The following TMCO5A variants were observed in gnomAD, a reference collection of about 807,000 sequenced individuals.
The protein encoded by TMCO5A is transmembrane and coiled-coil domain-containing protein 5A.
A neutral mutation model predicts 42.3 loss-of-function variants in TMCO5A; 34 were observed. The observed-to-expected ratio is 0.80, with a 90% CI of 0.61 to 1.07. The LOEUF is 1.07. Ranked by LOEUF, TMCO5A falls within the 50% of genes least tolerant of loss-of-function variation. The pLI, the probability that TMCO5A is intolerant of heterozygous loss-of-function variation, is 0.00. For synonymous variants in TMCO5A, 131 were observed against 115.6 expected (o/e 1.13, Z -0.86); for missense variants, 357 against 327.9 (o/e 1.09, Z -0.69).
intron 9 of TMCO5A, 97 bp from the exon 10 acceptor site, chr15:37,943,244 A>G: frequency 8.8e-7 from 1 of 1,140,716 alleles, no homozygotes; most frequent in Non-Finnish European, 1.3e-6. Flanking sequence ...TGGACAGTAC[A>G]GATTTAGAAT....
chr15:37,942,261 C>A lies in TMCO5A; in HGVS notation c.569+6C>A, dbSNP rs115691188. ...CTGTTCCTTGAGAGAGAAGTGTGAG[C>A]TTTGGCAAAGGAACATCCTGGTTTT... is the stretch of plus-strand genomic sequence containing the variant. On this transcript the variant is annotated splice_donor_region_variant and intron_variant, in intron 9 of 11. Coordinates refer to ENST00000319669, the MANE Select transcript of TMCO5A (RefSeq NM_152453.4). The A allele has an allele frequency of 2.8e-3, 4,572 of 1,612,154 alleles. 131 individuals carry two copies. The African/African-American group carries it at 0.051, about 18-fold the overall frequency.
chr15:38,019,571 T>C, the TMCO5A span, among the ~76,000 whole-genome samples: 17 of 152,136 alleles, frequency 1.1e-4, no homozygotes, highest in African/African-American at 4.1e-4. Flanking sequence ...CCTCCCCCAC[T>C]GTCAGCATCC....
chr15:37,934,889 G>A lies in TMCO5A; in HGVS notation c.-103+195G>A, dbSNP rs367922406. The stretch of plus-strand genomic sequence containing the variant: ...TTGTAAACCTACATCCATGCCCATG[G>A]GGCTTTATGGAAAGCAACTGGCCTA... On this transcript the variant is annotated intron_variant, in intron 1 of 11. Transcript: ENST00000319669. Among the ~76,000 whole-genome samples, 4 of 152,138 alleles carry A rather than the reference G, an allele frequency of 2.6e-5. No homozygotes were observed. The East Asian group carries it at 5.8e-4, about 22-fold the overall frequency.
At chr15:37,965,974 G>A (rs1890546614) in intron 11 of TMCO5A, among the ~76,000 whole-genome samples, 1 of 152,100 alleles carries the variant, frequency 6.6e-6, no homozygotes, top group African/African-American at 2.4e-5. Context: ...TTGCAGCACT[G>A]TTCACAATAG....
chr15:38,000,370 T>G, the TMCO5A span, among the ~76,000 whole-genome samples: 1 of 152,202 alleles, frequency 6.6e-6, no homozygotes, highest in African/African-American at 2.4e-5. Flanking sequence ...TAATGTCTCC[T>G]TTTTCATCTC....
At chr15:38,011,520 G>T in the TMCO5A span, among the ~76,000 whole-genome samples, 2 of 152,110 alleles carry the variant, frequency 1.3e-5, no homozygotes, top group Admixed American at 1.3e-4. Context: ...TAGGTCTAAG[G>T]ACATTAACTA....
At chr15:37,961,509 G>C (rs1890427974) in intron 11 of TMCO5A, among the ~76,000 whole-genome samples, 1 of 152,020 alleles carries the variant, frequency 6.6e-6, no homozygotes, top group African/African-American at 2.4e-5. Flanking sequence ...GCTTAGTCTT[G>C]CTTTGGCTAT....
the TMCO5A span, among the ~76,000 whole-genome samples, chr15:38,012,427 G>A: frequency 2.0e-5 from 3 of 152,134 alleles, no homozygotes; most frequent in African/African-American, 7.2e-5. Context: ...GCCTCAAAGA[G>A]AAAAGCTCAG....
At chr15:38,001,600 C>T in the TMCO5A span, among the ~76,000 whole-genome samples, 1 of 151,486 alleles carries the variant, frequency 6.6e-6, no homozygotes, top group African/African-American at 2.4e-5. Flanking sequence ...TTCCTGTCTT[C>T]CTTTAGTGTA....
chr15:37,951,601 T>C (rs1350693529), downstream of TMCO5A: 5 of 186,102 alleles, frequency 2.7e-5, no homozygotes, highest in East Asian at 1.5e-4. Context: ...TTAGAACTCA[T>C]AGGTTATAAG....
intron 7 of TMCO5A, 87 bp from the exon 8 acceptor site, chr15:37,941,584 G>A: frequency 2.1e-6 from 2 of 960,408 alleles, no homozygotes; most frequent in Non-Finnish European, 3.4e-6. Flanking sequence ...CCACATTTAG[G>A]ACCTGGGACC....
At position 37,943,630 on chromosome 15, in the gene TMCO5A, G is replaced by A. The variant is rs923513975; in HGVS notation, c.627+232G>A. Reference sequence around the variant, plus strand: ...CAAATAACAGGCTCTCAAAAAACTAGCCGAAGACCTAAGAGAACTCAGAAT... The same window carrying A: ...CAAATAACAGGCTCTCAAAAAACTAACCGAAGACCTAAGAGAACTCAGAAT... On this transcript the variant is annotated intron_variant, in intron 10 of 11. Transcript: ENST00000319669. The A allele has an allele frequency of 1.0e-5, 5 of 490,680 alleles. No individual in the cohort carries two copies. The Admixed American group carries it at 1.9e-4, about 19-fold the overall frequency. 30.4% of individuals were successfully genotyped at this position (490,680 alleles called of 1,614,324 possible).
chr15:37,960,186 A>G (rs1288288439), intron 11 of TMCO5A, among the ~76,000 whole-genome samples: 1 of 151,322 alleles, frequency 6.6e-6, no homozygotes, highest in Non-Finnish European at 1.5e-5. Flanking sequence ...CTCACCCCCT[A>G]CCACTCTTCC....
the TMCO5A span, among the ~76,000 whole-genome samples, chr15:38,018,592 T>A: frequency 1.3e-5 from 2 of 151,872 alleles, no homozygotes; most frequent in Non-Finnish European, 2.9e-5. Context: ...TGATTAAAGA[T>A]AAATGATATG....
chr15:38,023,230 T>C, the TMCO5A span, among the ~76,000 whole-genome samples: 1 of 152,176 alleles, frequency 6.6e-6, no homozygotes, highest in Admixed American at 6.5e-5. Context: ...AGCAGACATA[T>C]ATATTGTCAG....
chr15:37,981,391 C>T, the TMCO5A span, among the ~76,000 whole-genome samples: 1 of 152,194 alleles, frequency 6.6e-6, no homozygotes, highest in South Asian at 2.1e-4. Context: ...GAACAGCTGC[C>T]ACTTTATGTG....
chr15:37,981,200 CAAAAAAAAAA>C, the TMCO5A span, among the ~76,000 whole-genome samples: 3 of 65,346 alleles, frequency 4.6e-5, no homozygotes, highest in Admixed American at 1.8e-4. Flanking sequence ...AGAAAGCCAG[CAAAAAAAAAA>C]AAAAAAAAAA....
At chr15:37,986,336 T>A in the TMCO5A span, among the ~76,000 whole-genome samples, 2 of 151,418 alleles carry the variant, frequency 1.3e-5, no homozygotes, top group Non-Finnish European at 2.9e-5. Context: ...TGAATAAAAC[T>A]CTTTCTGATG....
At chr15:37,984,466 C>T in the TMCO5A span, among the ~76,000 whole-genome samples, 2 of 152,122 alleles carry the variant, frequency 1.3e-5, no homozygotes, top group East Asian at 3.9e-4. Context: ...AACATGAGTA[C>T]ATGATTACCT....
Sources: allele counts gnomAD v4.1 joint callset (sites outside exome capture counted in the v4.1 genomes callset), GRCh38; gene constraint gnomAD v4.1.1; transcripts MANE v1.5; gene names NCBI Gene and HGNC (gene_info 2026-07-23, HGNC 2026-07-21).